Variants in DNAH17 observed in about 807,000 individuals in gnomAD.
The protein encoded by DNAH17 is axonemal beta dynein heavy chain 17.
DNAH17 carries 376 observed loss-of-function variants against 485.6 expected under a neutral mutation model. The observed-to-expected ratio is 0.77, with a 90% CI of 0.71 to 0.84. DNAH17 has a LOEUF of 0.84. Among genes scored for constraint, DNAH17 ranks in the 40% least tolerant of loss-of-function variants. The pLI, the probability that DNAH17 is intolerant of heterozygous loss-of-function variation, is 0.00. For synonymous variants in DNAH17, 3,031 were observed against 2,405.9 expected (o/e 1.26, Z -7.60); for missense variants, 6,370 against 5,839.3 (o/e 1.09, Z -2.96).
chr17:78,575,478 T>C (rs1562102), intron 1 of DNAH17, among the ~76,000 whole-genome samples: 109,218 of 152,084 alleles, frequency 0.72, 39,330 homozygotes, highest in Middle Eastern at 0.79. Flanking sequence ...TGAAAGGTCC[T>C]GGGAAAGCAA....
intron 58 of DNAH17, among the ~76,000 whole-genome samples, chr17:78,460,714 T>G (rs1470529921): frequency 2.0e-5 from 3 of 152,174 alleles, no homozygotes. Context: ...TCTATCGGCT[T>G]GAGCTTCCAA....
At chr17:78,470,069 C>CTTTTTT (rs34298026) in intron 54 of DNAH17, among the ~76,000 whole-genome samples, 14 of 93,364 alleles carry the variant, frequency 1.5e-4, no homozygotes, top group African/African-American at 2.6e-4. Flanking sequence ...ATGTCTTACT[C>CTTTTTT]TTTTTTTTTT....
chr17:78,478,767 TCAC>T (rs558124491), intron 51 of DNAH17: 9,518 of 448,278 alleles, frequency 0.021, 154 homozygotes, highest in Middle Eastern at 0.043. Flanking sequence ...ACTATCATCA[TCAC>T]ATCACCATCA....
At position 78,532,734 on chromosome 17, in the gene DNAH17, C is replaced by T; in HGVS notation, c.2862G>A (p.Met954Ile). Residue 954 changes from methionine (M) to isoleucine (I), a missense_variant and splice_region_variant, in exon 20 of 81, where the codon ATG becomes ATA. Met to Ile is a conservative substitution (Grantham distance 10). Transcript: ENST00000389840. Reference protein sequence around the residue: ...RLAKDRMNYKMDLEDNTDLIE... With the variant: ...RLAKDRMNYKIDLEDNTDLIE... ...TGAGGTCTGTGTTATCTTCCAGGTC[C>T]ATCTGAAAGGGGCAGGGGAGAAGCA... The T allele has an allele frequency of 1.3e-6, 2 of 1,591,118 alleles. No homozygotes were observed. The highest frequency in any genetic ancestry group is 1.7e-6 in the Non-Finnish European group (2 of 1,167,168).
rs2092352830 is a variant in DNAH17 at position 78,571,228 on chromosome 17, A to G, written c.832+51T>C. On this transcript the variant is annotated intron_variant, in intron 5 of 80. Transcript: ENST00000389840. ...GTGACAAGTCTGACCCAGCCCTCCCAGGAGGCACAAACAGCTTCGTGCAGA... is the reference window on the plus strand; with the variant it reads ...GTGACAAGTCTGACCCAGCCCTCCCGGGAGGCACAAACAGCTTCGTGCAGA... 2.0e-6 allele frequency: 3 copies of G among 1,520,898 alleles called. No homozygotes were observed. The Admixed American group carries it at 5.6e-5, about 28-fold the overall frequency. The allele number at this position is 1,520,898 out of a possible 1,614,324, so 94.2% of individuals were successfully genotyped here.
intron 38 of DNAH17, among the ~76,000 whole-genome samples, 152 bp from the exon 39 acceptor site, chr17:78,495,249 C>A (rs2090178973): frequency 6.6e-6 from 1 of 152,120 alleles, no homozygotes; most frequent in South Asian, 2.1e-4. Context: ...GGGCTCCCAG[C>A]CCGCCTGCTC....
chr17:78,532,455 A>C, intron 20 of DNAH17, 27 bp downstream of exon 20: 1 of 1,585,246 alleles, frequency 6.3e-7, no homozygotes, highest in South Asian at 1.1e-5. Flanking sequence ...GGAGACAAGG[A>C]GGCTGGTGGG....
At chr17:78,575,954 G>A (rs2092427532) in intron 1 of DNAH17, among the ~76,000 whole-genome samples, 1 of 152,250 alleles carries the variant, frequency 6.6e-6, no homozygotes, top group African/African-American at 2.4e-5. Flanking sequence ...TTGGAGGCGA[G>A]TTCTGCAAGG....
intron 55 of DNAH17, among the ~76,000 whole-genome samples, chr17:78,468,032 A>AG (rs1377743193): frequency 1.3e-4 from 18 of 135,006 alleles, no homozygotes; most frequent in African/African-American, 4.3e-4. Flanking sequence ...AAAAAAAAAA[A>AG]AGAGAGAGAG....
chr17:78,445,834 C>A, intron 69 of DNAH17, among the ~76,000 whole-genome samples, 154 bp from the exon 70 acceptor site: 1 of 152,184 alleles, frequency 6.6e-6, no homozygotes, highest in Non-Finnish European at 1.5e-5. Context: ...TTTGTCTTCA[C>A]CTCGTCTCGC....
chr17:78,454,735 G>C (rs77431968), intron 63 of DNAH17, 30 bp from the exon 64 acceptor site: 2 of 1,570,398 alleles, frequency 1.3e-6, no homozygotes, highest in Non-Finnish European at 1.7e-6. Context: ...TTCTTAGAGG[G>C]GGTAATGCGA....
At chr17:78,460,391 T>C (rs1422464498) in intron 58 of DNAH17, 134 bp from the exon 59 acceptor site, 6 of 715,780 alleles carry the variant, frequency 8.4e-6, no homozygotes, top group Admixed American at 4.9e-5. Context: ...TGTGCATATA[T>C]GTGCATGAGT....
intron 36 of DNAH17, chr17:78,499,822 A>T (rs1268515094): frequency 6.5e-6 from 1 of 153,732 alleles, no homozygotes; most frequent in East Asian, 1.9e-4. Context: ...GTCTTGCAAG[A>T]GGCTGCTGCA....
intron 80 of DNAH17, chr17:78,425,066 C>A: frequency 3.1e-6 from 1 of 326,046 alleles, no homozygotes; most frequent in South Asian, 5.1e-5. Context: ...CACGTCGGAG[C>A]TGCTCTCTCA....
At position 78,476,868 on chromosome 17, in the gene DNAH17, T is replaced by C. The variant is rs114744575; in HGVS notation, c.7993-135A>G. 1,651 of 1,101,764 alleles carry C rather than the reference T, an allele frequency of 1.5e-3. 18 individuals carry two copies. In the African/African-American group the frequency reaches 0.023, roughly 15 times the overall value. 68.2% of individuals were successfully genotyped at this position (1,101,764 alleles called of 1,614,324 possible). On this transcript the variant is annotated intron_variant, in intron 51 of 80. Transcript: ENST00000389840. Reference sequence around the variant, plus strand: ...GTTCAGCTGTTGGCACAGCATTCACTTGGGGCCAGGGAAGCCACTCATCAC... The same window carrying C: ...GTTCAGCTGTTGGCACAGCATTCACCTGGGGCCAGGGAAGCCACTCATCAC...
At chr17:78,552,839 TCCAA>T (rs1568244038) in intron 14 of DNAH17, 34 bp from the exon 15 acceptor site, 1 of 1,466,084 alleles carries the variant, frequency 6.8e-7, no homozygotes, top group Admixed American at 1.7e-5. Flanking sequence ...TTGTTCCGAG[TCCAA>T]CCAGATTTTA....
At chr17:78,429,339 G>C in intron 75 of DNAH17, 39 bp from the exon 76 acceptor site, 1 of 1,594,570 alleles carries the variant, frequency 6.3e-7, no homozygotes, top group South Asian at 1.1e-5. Flanking sequence ...AAGTGCCCCT[G>C]TGCCCCTTCT....
chr17:78,570,975 C>T lies in DNAH17; in HGVS notation c.891G>A (p.Glu297=), dbSNP rs1438400488. 3 of 1,587,586 alleles carry T rather than the reference C, an allele frequency of 1.9e-6. No homozygotes were observed. The highest frequency in any genetic ancestry group is 2.7e-5 in the African/African-American group (2 of 74,456). The change falls in exon 6 of 81, where the codon GAG becomes GAA. Residue 297 remains glutamate (E), a synonymous_variant. Transcript: ENST00000389840. ...LYLKPLRILL[E]EMEQADFTML... The stretch of plus-strand genomic sequence containing the variant: ...TCGTGAAGTCGGCTTGTTCCATCTC[C>T]TCCAGCAGGATCCGTAGGGGCTTCA...
chr17:78,428,432 G>A, intron 77 of DNAH17, 93 bp downstream of exon 77: 1 of 1,453,908 alleles, frequency 6.9e-7, no homozygotes, highest in Non-Finnish European at 9.4e-7. Flanking sequence ...TCACCAGCAA[G>A]TTCCCCTGTA....
Sources: allele counts gnomAD v4.1 joint callset (sites outside exome capture counted in the v4.1 genomes callset), GRCh38; gene constraint gnomAD v4.1.1; transcripts MANE v1.5; gene names NCBI Gene and HGNC (gene_info 2026-07-23, HGNC 2026-07-21).